Variants in FRY observed in about 807,000 individuals in gnomAD.
The protein encoded by FRY is protein furry homolog.
FRY carries 128 observed loss-of-function variants against 348.4 expected under a neutral mutation model. That is an observed-to-expected ratio of 0.37 (90% CI 0.32 to 0.43). The LOEUF (loss-of-function observed/expected upper bound fraction) is 0.43, where lower values mean the gene tolerates loss of function less well. Ranked by LOEUF, FRY falls within the 20% of genes least tolerant of loss-of-function variation. The pLI, the probability that FRY is intolerant of heterozygous loss-of-function variation, is 1.00. For synonymous variants in FRY, 1,370 were observed against 1,374.7 expected, an observed-to-expected ratio of 1.00 and a Z score of 0.08; for missense variants, 2,736 against 3,695.2, an observed-to-expected ratio of 0.74 and a Z score of 6.73.
At chr13:32,155,740 T>C in intron 15 of FRY, 78 bp downstream of exon 15, 1 of 957,386 alleles carries the variant, frequency 1.0e-6, no homozygotes, top group Non-Finnish European at 1.5e-6. Flanking sequence ...TTTAGTGAGA[T>C]GCAGTTTTTA....
At chr13:32,207,299 C>A (rs1455141397) in intron 31 of FRY, among the ~76,000 whole-genome samples, 1 of 152,062 alleles carries the variant, frequency 6.6e-6, no homozygotes, top group East Asian at 1.9e-4. Flanking sequence ...TTAAATAGTT[C>A]TCCCACCATA....
In FRY at chr13:32,092,903, G is replaced by A. The variant is rs78551029; in HGVS notation, c.271-9060G>A. 9.6e-3 allele frequency among the ~76,000 whole-genome samples: 1,466 copies of A among 152,284 alleles called. 29 individuals carry two copies. The highest frequency in any genetic ancestry group is 0.034 in the African/African-American group (1,402 of 41,544). ...AGAATAAGTTTTGAGAGTATCTTAT[G>A]TCATCTTTAAAAACGAGACATTGTA... On this transcript the variant is annotated intron_variant, in intron 2 of 60. Coordinates refer to ENST00000542859, the MANE Select transcript of FRY (RefSeq NM_023037.3).
In FRY at chr13:32,281,420, T is replaced by A. The variant is rs1888801001; in HGVS notation, c.8469+2872T>A. 1.3e-5 allele frequency among the ~76,000 whole-genome samples: 2 copies of A among 152,208 alleles called. 1 individual carries two copies. The highest frequency in any genetic ancestry group is 4.1e-4 in the South Asian group (2 of 4,830). On this transcript the variant is annotated intron_variant, in intron 58 of 60. Transcript: ENST00000542859. ...AAACACTCAAGAATAATTCCCAGCA[T>A]ATGTCTAAATGTCTAATATGGCTTT...
intron 27 of FRY, among the ~76,000 whole-genome samples, chr13:32,187,025 C>T (rs953831362): frequency 6.6e-6 from 1 of 152,128 alleles, no homozygotes; most frequent in Non-Finnish European, 1.5e-5. Context: ...ATTTATCCCT[C>T]CACCCACCCC....
intron 1 of FRY, among the ~76,000 whole-genome samples, chr13:32,069,292 G>A (rs113576598): frequency 4.6e-5 from 7 of 152,198 alleles, no homozygotes; most frequent in Admixed American, 6.5e-5. Flanking sequence ...TTTCATTCAC[G>A]AGGGCAGAGA....
intron 1 of FRY, among the ~76,000 whole-genome samples, chr13:32,058,476 C>T (rs1414001853): frequency 6.6e-6 from 1 of 152,168 alleles, no homozygotes; most frequent in Non-Finnish European, 1.5e-5. Context: ...ACTAAAATAT[C>T]TGTAGCCTGC....
At chr13:32,250,875 T>C (rs1286544277) in intron 49 of FRY, among the ~76,000 whole-genome samples, 1 of 152,218 alleles carries the variant, frequency 6.6e-6, no homozygotes, top group Non-Finnish European at 1.5e-5. Context: ...TTCCTCTACA[T>C]TGATTCCTTC....
intron 20 of FRY, among the ~76,000 whole-genome samples, chr13:32,175,882 G>A (rs1273085044): frequency 6.6e-6 from 1 of 152,140 alleles, no homozygotes; most frequent in Non-Finnish European, 1.5e-5. Flanking sequence ...AATTGCTCAG[G>A]ATTCTTAAGG....
intron 2 of FRY, among the ~76,000 whole-genome samples, chr13:32,090,664 A>C (rs990428466): frequency 2.0e-5 from 3 of 152,242 alleles, no homozygotes; most frequent in Non-Finnish European, 2.9e-5. Flanking sequence ...ACCCAGAAAC[A>C]AACAAATGAA....
rs372692261 is a variant in FRY at position 32,185,199 on chromosome 13, G to A, written c.3319+51G>A. 16 of 1,530,434 alleles carry A rather than the reference G, an allele frequency of 1.0e-5. No individual in the cohort carries two copies. In the African/African-American group the frequency reaches 1.1e-4, roughly 10 times the overall value. The allele number at this position is 1,530,434 out of a possible 1,614,324, so 94.8% of individuals were successfully genotyped here. On this transcript the variant is annotated intron_variant, in intron 26 of 60. Coordinates refer to ENST00000542859, the MANE Select transcript of FRY (RefSeq NM_023037.3). ...ACCATTCATGCTTGGAAGCCCATTC[G>A]TGTTCTTTATTACGGTGCTTTCGTC... is the stretch of plus-strand genomic sequence containing the variant.
chr13:32,094,234 G>A (rs1186533573), intron 2 of FRY, among the ~76,000 whole-genome samples: 1 of 151,538 alleles, frequency 6.6e-6, no homozygotes, highest in Admixed American at 6.6e-5. Flanking sequence ...ATTTTTTGTG[G>A]GTACATAGTA....
intron 35 of FRY, among the ~76,000 whole-genome samples, chr13:32,216,548 C>G (rs1019417422): frequency 6.6e-6 from 1 of 152,228 alleles, no homozygotes; most frequent in Non-Finnish European, 1.5e-5. Context: ...GAGCACAGTT[C>G]ATGGTAGCTG....
intron 2 of FRY, among the ~76,000 whole-genome samples, chr13:32,089,819 G>A (rs1208925400): frequency 1.3e-5 from 2 of 152,150 alleles, no homozygotes; most frequent in African/African-American, 4.8e-5. Flanking sequence ...CAGATGGGAG[G>A]TGGAGGGCAA....
intron 16 of FRY, 109 bp from the exon 17 acceptor site, chr13:32,161,035 C>A: frequency 1.3e-6 from 1 of 772,248 alleles, no homozygotes; most frequent in Non-Finnish European, 2.3e-6. Flanking sequence ...TAACACCAGG[C>A]TGTGACTCAG....
Position 32,274,905 on chromosome 13 carries a change from C to T in FRY, c.8200C>T (p.Arg2734Trp), listed in dbSNP as rs762235233. Residue 2734 changes from arginine (R) to tryptophan (W), a missense_variant, in exon 56 of 61, where the codon CGG (arginine) becomes TGG (tryptophan). Arg to Trp is a moderately radical substitution (Grantham distance 101, BLOSUM62 -3). Transcript: ENST00000542859. ...AGCCAGTTACCTTGGAGATAACCTCCGGGGAATCGGATCCAAATTTGTCAG... is the reference window on the plus strand; with the variant it reads ...AGCCAGTTACCTTGGAGATAACCTCTGGGGAATCGGATCCAAATTTGTCAG... ...DAASYLGDNL[R>W]GIGSKFVSSS... 15 of 1,612,724 alleles carry T rather than the reference C, an allele frequency of 9.3e-6. No homozygotes were observed. Among genetic ancestry groups the T allele is most frequent in the East Asian group, 6.7e-5 (3 of 44,872 alleles).
At chr13:32,093,533 A>C (rs1314521203) in intron 2 of FRY, among the ~76,000 whole-genome samples, 2 of 152,194 alleles carry the variant, frequency 1.3e-5, no homozygotes, top group Non-Finnish European at 2.9e-5. Flanking sequence ...TATTTCCTAA[A>C]AATTGGAAAT....
At chr13:32,280,713 C>T (rs1888769307) in intron 58 of FRY, among the ~76,000 whole-genome samples, 1 of 152,222 alleles carries the variant, frequency 6.6e-6, no homozygotes, top group Admixed American at 6.5e-5. Flanking sequence ...TGTAACAGAA[C>T]TTCAGACAGG....
At chr13:32,111,340 A>G (rs1877943921) in intron 3 of FRY, among the ~76,000 whole-genome samples, 1 of 151,870 alleles carries the variant, frequency 6.6e-6, no homozygotes, top group Admixed American at 6.6e-5. Context: ...ATACCAAAAA[A>G]AAAAAATTAG....
chr13:32,064,488 G>A (rs945896963), intron 1 of FRY, among the ~76,000 whole-genome samples: 1 of 150,974 alleles, frequency 6.6e-6, no homozygotes, highest in African/African-American at 2.4e-5. Context: ...ATTCTATCAT[G>A]CCTCTCTCCC....
Sources: allele counts gnomAD v4.1 joint callset (sites outside exome capture counted in the v4.1 genomes callset), GRCh38; gene constraint gnomAD v4.1.1; transcripts MANE v1.5; gene names NCBI Gene and HGNC (gene_info 2026-07-23, HGNC 2026-07-21).